The following TSR1 variants were observed in gnomAD, a reference collection of about 807,000 sequenced individuals.
The protein encoded by TSR1 is pre-rRNA-processing protein TSR1 homolog.
In TSR1, 81 loss-of-function variants were observed where a neutral mutation model predicts 90.9. That is an observed-to-expected ratio of 0.89 (90% confidence interval 0.74 to 1.07). The LOEUF (loss-of-function observed/expected upper bound fraction) is 1.07, where lower values mean the gene tolerates loss of function less well. TSR1 is among the 50% of genes least tolerant of loss of function. The probability of loss-of-function intolerance (pLI) is 0.00; values close to 1 mark genes in which losing one functional copy is unlikely to be tolerated. For missense variants in TSR1, 989 were observed against 987.3 expected (o/e 1.00, Z -0.02); for synonymous variants, 362 against 348.8 (o/e 1.04, Z -0.42).
chr17:2,332,135 G>A (rs749184561), intron 8 of TSR1, 34 bp downstream of exon 8: 1 of 1,594,492 alleles, frequency 6.3e-7, no homozygotes, highest in Non-Finnish European at 8.5e-7. Context: ...CGTATTGACT[G>A]AATTTAGATT....
At chr17:2,330,742 C>G in intron 9 of TSR1, 117 bp from the exon 10 acceptor site, 1 of 1,163,844 alleles carries the variant, frequency 8.6e-7, no homozygotes, top group Non-Finnish European at 1.2e-6. Flanking sequence ...CAACCCTCAT[C>G]CTTCAAGATG....
chr17:2,329,175 G>T, intron 11 of TSR1, 168 bp downstream of exon 11: 1 of 1,097,574 alleles, frequency 9.1e-7, no homozygotes, highest in Middle Eastern at 2.0e-4. Context: ...CTTCAGACAG[G>T]TTCAGACATT....
At chr17:2,333,511 A>C in intron 6 of TSR1, 46 bp downstream of exon 6, 1 of 1,612,170 alleles carries the variant, frequency 6.2e-7, no homozygotes, top group Non-Finnish European at 8.5e-7. Flanking sequence ...CAGAAAATCC[A>C]CAATTCCAGG....
At position 2,331,803 on chromosome 17, in the gene TSR1, G is replaced by C. The variant is rs79060149; in HGVS notation, c.1496+366C>G. 7.0e-3 allele frequency among the ~76,000 whole-genome samples: 1,073 copies of C among 152,234 alleles called. 7 individuals carry two copies. Among genetic ancestry groups the C allele is most frequent in the African/African-American group, 0.025 (1,018 of 41,542 alleles). On this transcript the variant is annotated intron_variant, in intron 8 of 14. Coordinates refer to ENST00000301364, the MANE Select transcript of TSR1 (RefSeq NM_018128.5). ...CACTGGCTTTAGTCACTCACCTCCA[G>C]AACAGATATAATCATCTACTTCTTC...
intron 1 of TSR1, 48 bp downstream of exon 1, chr17:2,336,283 G>C (rs765908819): frequency 6.2e-7 from 1 of 1,611,214 alleles, no homozygotes; most frequent in South Asian, 1.1e-5. Flanking sequence ...AGGAAAAAGA[G>C]TTAATAACGG....
At chr17:2,332,838 TAA>T in intron 7 of TSR1, 121 bp downstream of exon 7, 7 of 875,114 alleles carry the variant, frequency 8.0e-6, no homozygotes, top group South Asian at 2.3e-5. Context: ...CTCCGTCTCA[TAA>T]AAAAAAAATA....
intron 14 of TSR1, 55 bp from the exon 15 acceptor site, chr17:2,324,429 A>G: frequency 6.2e-7 from 1 of 1,605,286 alleles, no homozygotes; most frequent in South Asian, 1.1e-5. Context: ...TTTTAAAGCA[A>G]TGACTTCCAA....
Position 2,324,747 on chromosome 17 carries a change from A to C in TSR1, c.2103T>G (p.Gly701=), listed in dbSNP as rs2075564521. 2 of 1,614,246 alleles carry C rather than the reference A, an allele frequency of 1.2e-6. No homozygotes were observed. The highest frequency in any genetic ancestry group is 2.7e-5 in the African/African-American group (2 of 75,078). ...TCTTAGTAAAAATTTTGAAAGGATG[A>C]CCACTCAGAACAACTCTCTTGATGA... ...RMVIKRVVLS[G]HPFKIFTKMA... The change falls in exon 13 of 15, where the codon GGT becomes GGG. Residue 701 remains glycine, a synonymous_variant. Transcript: ENST00000301364.
At chr17:2,327,303 G>A (rs2075581220) in intron 11 of TSR1, among the ~76,000 whole-genome samples, 1 of 151,602 alleles carries the variant, frequency 6.6e-6, no homozygotes, top group African/African-American at 2.4e-5. Context: ...TATGGTCCGA[G>A]CTACTTGGGA....
chr17:2,332,918 T>C, intron 7 of TSR1, 43 bp downstream of exon 7: 1 of 1,590,010 alleles, frequency 6.3e-7, no homozygotes, highest in East Asian at 2.2e-5. Flanking sequence ...TGCCTTACAT[T>C]TGGAGCTAGA....
rs764432471 is a variant in TSR1, at chr17:2,336,372, C to G, written c.56G>C (p.Gly19Ala). 5.6e-6 allele frequency: 9 copies of G among 1,613,784 alleles called. No homozygotes were observed. Among genetic ancestry groups the G allele is most frequent in the Non-Finnish European group, 6.8e-6 (8 of 1,180,046 alleles). ...TGCAGATCCCCGACCCCGATGCCGT[C>G]CGCCTTTATGAGCTTTATTCTGCTG... ...LKQQNKAHKG[G>A]RHRGRGSAQR... is the part of the protein sequence containing the mutation. Residue 19 changes from glycine to alanine, a missense_variant, in exon 1 of 15, where the codon GGA (glycine) becomes GCA (alanine). Coordinates refer to ENST00000301364, the MANE Select transcript of TSR1 (RefSeq NM_018128.5).
chr17:2,333,028 C>T lies in TSR1; in HGVS notation c.1238G>A (p.Gly413Asp), dbSNP rs367573938. ...EWILDGGSQS[G>D]GEGDEYEYDD... ...ATATTCATATTCATCTCCTTCCCCA[C>T]CACTTTGGCTGCCACCATCCAAAAT... is the stretch of plus-strand genomic sequence containing the variant. The change falls in exon 7 of 15, where the codon GGT (glycine) becomes GAT (aspartate). Residue 413 changes from glycine to aspartate, a missense_variant. Transcript: ENST00000301364. 3.1e-6 allele frequency: 5 copies of T among 1,614,156 alleles called. No individual in the cohort carries two copies. The highest frequency in any genetic ancestry group is 3.3e-4 in the Middle Eastern group (2 of 6,062).
chr17:2,322,915 C>T lies in TSR1; in HGVS notation c.*1281G>A. ...GAGTAGCTGGGATTACAGGGGTCTG[C>T]CACCACGCCTGGCTGATTTTCCTAT... is the stretch of plus-strand genomic sequence containing the variant. On this transcript the variant is annotated 3_prime_UTR_variant, in exon 15 of 15. Coordinates refer to ENST00000301364, the MANE Select transcript of TSR1 (RefSeq NM_018128.5). The T allele has an allele frequency of 2.0e-6, 1 of 501,028 alleles. No individual in the cohort carries two copies. 31.0% of individuals were successfully genotyped at this position (501,028 alleles called of 1,614,324 possible).
chr17:2,334,982 A>G (rs2064041381), intron 4 of TSR1, 86 bp from the exon 5 acceptor site: 2 of 1,410,774 alleles, frequency 1.4e-6, no homozygotes, highest in Non-Finnish European at 1.9e-6. Context: ...CTAATAGCTC[A>G]GTTGCAAGCC....
At position 2,324,102 on chromosome 17, in the gene TSR1, T is replaced by G. The variant is rs1012023493; in HGVS notation, c.*94A>C. The G allele has an allele frequency of 1.4e-6, 2 of 1,458,682 alleles. No homozygotes were observed. Among genetic ancestry groups the G allele is most frequent in the Non-Finnish European group, 1.8e-6 (2 of 1,090,294 alleles). 90.4% of individuals were successfully genotyped at this position (1,458,682 alleles called of 1,614,324 possible). On this transcript the variant is annotated 3_prime_UTR_variant, in exon 15 of 15. Coordinates refer to ENST00000301364, the MANE Select transcript of TSR1 (RefSeq NM_018128.5). ...AAAATGGGGCAGTGGACTGACAGGCTGACATAGAAAATAAACTTTGCCCAA... is the reference window on the plus strand; with the variant it reads ...AAAATGGGGCAGTGGACTGACAGGCGGACATAGAAAATAAACTTTGCCCAA...
At position 2,324,041 on chromosome 17, in the gene TSR1, C is replaced by T; in HGVS notation, c.*155G>A. 8.3e-7 allele frequency: 1 copy of T among 1,209,588 alleles called. No individual in the cohort carries two copies. Among genetic ancestry groups the T allele is most frequent in the Non-Finnish European group, 1.2e-6 (1 of 869,074 alleles). The allele number at this position is 1,209,588 out of a possible 1,614,324, so 74.9% of individuals were successfully genotyped here. On this transcript the variant is annotated 3_prime_UTR_variant, in exon 15 of 15. Transcript: ENST00000301364. ...GTAGTGGAAAAACTTTTATACTTAA[C>T]TGAGACATTTTGTCAAGGCTAAAAA...
In TSR1 at chr17:2,323,050, C is replaced by A. The variant is rs2075546618; in HGVS notation, c.*1146G>T. On this transcript the variant is annotated 3_prime_UTR_variant, in exon 15 of 15. Transcript: ENST00000301364. ...AAAGTGTTGGGATTACAGGTGTGAG[C>A]CACCACACCAGGCCCATATTTTCTT... The A allele has an allele frequency of 6.5e-6, 9 of 1,378,780 alleles. No individual in the cohort carries two copies. The Admixed American group carries it at 1.2e-4, about 19-fold the overall frequency. 85.4% of individuals were successfully genotyped at this position (1,378,780 alleles called of 1,614,324 possible).
chr17:2,332,563 G>A (rs1413223996), intron 7 of TSR1, among the ~76,000 whole-genome samples: 1 of 152,188 alleles, frequency 6.6e-6, no homozygotes, highest in Non-Finnish European at 1.5e-5. Context: ...ACGGCCGGGT[G>A]CGGTGGCTCA....
intron 11 of TSR1, among the ~76,000 whole-genome samples, chr17:2,326,945 T>C (rs2075579323): frequency 6.8e-6 from 1 of 148,118 alleles, no homozygotes; most frequent in South Asian, 2.1e-4. Context: ...TCTCTACTAA[T>C]AATAGAAAAA....
Sources: allele counts gnomAD v4.1 joint callset (sites outside exome capture counted in the v4.1 genomes callset), GRCh38; gene constraint gnomAD v4.1.1; transcripts MANE v1.5; gene names NCBI Gene and HGNC (gene_info 2026-07-23, HGNC 2026-07-21).